Variants in ASTN1 observed in about 807,000 individuals in gnomAD.
ASTN1 encodes astrotactin-1.
A neutral mutation model predicts 140.7 loss-of-function variants in ASTN1; 41 were observed. That is an observed-to-expected ratio of 0.29 (90% CI 0.23 to 0.38). The LOEUF (loss-of-function observed/expected upper bound fraction) is 0.38, where lower values mean the gene tolerates loss of function less well. ASTN1 is among the 10% of genes least tolerant of loss of function. ASTN1 has a pLI of 1.00. For missense variants in ASTN1, 1,479 were observed against 1,678.8 expected (o/e 0.88, Z 2.08); for synonymous variants, 640 against 652.2 (o/e 0.98, Z 0.29).
intron 12 of ASTN1, 106 bp from the exon 13 acceptor site, chr1:176,946,226 C>A: frequency 9.2e-7 from 1 of 1,091,872 alleles, no homozygotes; most frequent in Non-Finnish European, 1.3e-6. Flanking sequence ...CATGTTGGAT[C>A]ACCAAAGATT....
intron 1 of ASTN1, among the ~76,000 whole-genome samples, chr1:177,158,844 G>A (rs1204504257): frequency 6.6e-6 from 1 of 151,150 alleles, no homozygotes; most frequent in African/African-American, 2.4e-5. Context: ...GATCATTTGA[G>A]GTCAGAAGTT....
Position 176,864,470 on chromosome 1 carries a change from A to G in ASTN1, c.3699T>C (p.Asn1233=). 6.2e-7 allele frequency: 1 copy of G among 1,614,124 alleles called. No individual in the cohort carries two copies. Among genetic ancestry groups the G allele is most frequent in the East Asian group, 2.2e-5 (1 of 44,854 alleles). The change falls in exon 23 of 23, where the codon AAT becomes AAC. Residue 1233 remains asparagine, a synonymous_variant. Coordinates refer to ENST00000361833, the MANE Select transcript of ASTN1 (RefSeq NM_004319.3). The stretch of plus-strand genomic sequence containing the variant: ...TTATCTTGGGTTCCTGAAGGAGTCC[A>G]TTGCACCAACTGCTGAGGTCCCCAA... ...SQLGDLSSWC[N]GLLQEPKISL...
intron 8 of ASTN1, among the ~76,000 whole-genome samples, chr1:176,983,967 T>C (rs1673758931): frequency 6.6e-6 from 1 of 152,180 alleles, no homozygotes. Context: ...CACTGTTTAA[T>C]TGTGCTGCTG....
intron 8 of ASTN1, among the ~76,000 whole-genome samples, chr1:176,974,601 G>C (rs1188286659): frequency 6.6e-6 from 1 of 152,008 alleles, no homozygotes; most frequent in Non-Finnish European, 1.5e-5. Flanking sequence ...TGGCCAGGTT[G>C]GTCTCGAACT....
At chr1:176,995,458 C>T (rs1674395391) in intron 8 of ASTN1, among the ~76,000 whole-genome samples, 1 of 152,152 alleles carries the variant, frequency 6.6e-6, no homozygotes, top group African/African-American at 2.4e-5. Flanking sequence ...TCAGATAAGC[C>T]TGGGATGGCA....
intron 9 of ASTN1, among the ~76,000 whole-genome samples, chr1:176,964,156 T>G (rs537369744): frequency 6.6e-6 from 1 of 152,280 alleles, no homozygotes; most frequent in South Asian, 2.1e-4. Flanking sequence ...AAGCCAGGAA[T>G]GGCTGACAGG....
intron 16 of ASTN1, among the ~76,000 whole-genome samples, chr1:176,897,259 A>G (rs890201943): frequency 1.4e-5 from 2 of 138,796 alleles, no homozygotes; most frequent in Non-Finnish European, 3.0e-5. Flanking sequence ...TGGGCTACAG[A>G]GCAAGACTCC....
intron 15 of ASTN1, among the ~76,000 whole-genome samples, chr1:176,935,270 C>A (rs1013340817): frequency 3.3e-5 from 5 of 152,288 alleles, no homozygotes; most frequent in Admixed American, 3.3e-4. Flanking sequence ...TGACTTTGGA[C>A]GGCATGTGGC....
Position 176,863,008 on chromosome 1 carries a change from C to T in ASTN1, c.*1276G>A, listed in dbSNP as rs1394978902. On this transcript the variant is annotated 3_prime_UTR_variant, in exon 23 of 23. Transcript: ENST00000361833. ...TAAGGCCATTGCTAGTCAACAGGGC[C>T]TTGCCAGGCTCTTTCTGAAAGGCTG... 4.1e-6 allele frequency: 4 copies of T among 985,372 alleles called. No individual in the cohort carries two copies. The highest frequency in any genetic ancestry group is 4.8e-6 in the Non-Finnish European group (4 of 829,968). The allele number at this position is 985,372 out of a possible 1,614,324, so 61.0% of individuals were successfully genotyped here.
chr1:177,146,975 C>A (rs1377922657), intron 1 of ASTN1, among the ~76,000 whole-genome samples: 2 of 151,922 alleles, frequency 1.3e-5, no homozygotes, highest in Non-Finnish European at 2.9e-5. Context: ...ACTCAAGGGT[C>A]AATTTACAAT....
intron 5 of ASTN1, among the ~76,000 whole-genome samples, chr1:177,028,503 G>A (rs1371218858): frequency 1.3e-5 from 2 of 152,180 alleles, no homozygotes; most frequent in African/African-American, 4.8e-5. Flanking sequence ...AAGAACACCT[G>A]TTATGAAGGG....
At chr1:177,002,681 T>G (rs2101916258) in intron 8 of ASTN1, among the ~76,000 whole-genome samples, 1 of 152,278 alleles carries the variant, frequency 6.6e-6, no homozygotes, top group South Asian at 2.1e-4. Flanking sequence ...AGTTTAAAAC[T>G]TAGGAAAAAT....
chr1:177,128,408 A>T (rs1430524963), intron 1 of ASTN1, among the ~76,000 whole-genome samples: 1 of 152,262 alleles, frequency 6.6e-6, no homozygotes, highest in African/African-American at 2.4e-5. Context: ...AAACATTATT[A>T]GAGTTAAAAT....
intron 8 of ASTN1, among the ~76,000 whole-genome samples, chr1:177,006,972 C>G (rs1675030871): frequency 6.6e-6 from 1 of 152,200 alleles, no homozygotes; most frequent in African/African-American, 2.4e-5. Flanking sequence ...CTTCACATTG[C>G]TCTCTCTTTT....
chr1:177,058,127 G>C (rs1007901118), intron 2 of ASTN1, among the ~76,000 whole-genome samples: 1 of 152,198 alleles, frequency 6.6e-6, no homozygotes, highest in Non-Finnish European at 1.5e-5. Flanking sequence ...TGAGGACAAT[G>C]AGACGGCTAG....
At chr1:177,133,857 C>T (rs986553602) in intron 1 of ASTN1, among the ~76,000 whole-genome samples, 7 of 152,178 alleles carry the variant, frequency 4.6e-5, no homozygotes, top group African/African-American at 1.7e-4. Flanking sequence ...AGGGAAGGAA[C>T]AGGTCACATT....
Position 176,949,320 on chromosome 1 carries a change from C to T in ASTN1, c.1919G>A (p.Ser640Asn). 1 of 1,614,096 alleles carries T rather than the reference C, an allele frequency of 6.2e-7. No individual in the cohort carries two copies. The highest frequency in any genetic ancestry group is 1.3e-5 in the African/African-American group (1 of 75,052). ...GATGTGGCGGTCATAGCAGCCAGAG[C>T]TGTCCTTCATGGGACTGAGTCCAGA... is the stretch of plus-strand genomic sequence containing the variant. ...CPSGLSPMKDSSGCYDRHIGV... is the reference protein window; with the variant it reads ...CPSGLSPMKDNSGCYDRHIGV... Residue 640 changes from serine (S) to asparagine (N), a missense_variant, in exon 12 of 23, where the codon AGC becomes AAC. Coordinates refer to ENST00000361833, the MANE Select transcript of ASTN1 (RefSeq NM_004319.3).
intron 8 of ASTN1, among the ~76,000 whole-genome samples, chr1:176,986,020 C>A (rs929378066): frequency 2.2e-4 from 34 of 152,188 alleles, no homozygotes; most frequent in Middle Eastern, 6.8e-3. Context: ...TTCCAGAGGG[C>A]GCAGCTGAGA....
intron 18 of ASTN1, among the ~76,000 whole-genome samples, chr1:176,886,520 G>A (rs74407601): frequency 2.9e-3 from 446 of 152,308 alleles, no homozygotes; most frequent in Non-Finnish European, 4.8e-3. Flanking sequence ...AACTCAAGAA[G>A]TCCAATCATG....
Sources: gnomAD v4.1 joint callset for allele counts (sites outside exome capture counted in the v4.1 genomes callset) on GRCh38, gnomAD v4.1.1 for gene constraint, MANE v1.5 for transcripts, NCBI Gene and HGNC (gene_info 2026-07-23, HGNC 2026-07-21) for gene names.